ZC3H12B: variants seen among roughly 807,000 people sequenced by gnomAD.
ZC3H12B encodes the protein probable ribonuclease ZC3H12B.
In ZC3H12B, 7 loss-of-function variants were observed where a neutral mutation model predicts 43.9. The ratio of observed to expected loss-of-function variants is 0.16; its 90% CI spans 0.09 to 0.30. The LOEUF (loss-of-function observed/expected upper bound fraction) is 0.30, where lower values mean the gene tolerates loss of function less well. Among genes scored for constraint, ZC3H12B ranks in the 10% least tolerant of loss-of-function variants. The probability of loss-of-function intolerance (pLI) is 1.00; values close to 1 mark genes in which losing one functional copy is unlikely to be tolerated. For missense variants in ZC3H12B, 475 were observed against 670.2 expected, an observed-to-expected ratio of 0.71 and a Z score of 3.22; for synonymous variants, 222 against 241.7, an observed-to-expected ratio of 0.92 and a Z score of 0.76.
At chrX:65,100,394 A>T in the ZC3H12B span, among the ~76,000 whole-genome samples, 69 of 107,765 alleles carry the variant, frequency 6.4e-4, no homozygotes, top group African/African-American at 2.0e-3. Flanking sequence ...GACACCACTA[A>T]GATACTCCTC....
intron 2 of ZC3H12B, among the ~76,000 whole-genome samples, chrX:65,380,605 C>A (rs1201345677): frequency 3.6e-5 from 4 of 111,317 alleles, no homozygotes; most frequent in Non-Finnish European, 7.5e-5. Context: ...CCACACATAA[C>A]AATATTAACT....
chrX:65,242,617 A>G, the ZC3H12B span, among the ~76,000 whole-genome samples: 11 of 112,035 alleles, frequency 9.8e-5, no homozygotes. Context: ...ATTTTTTGCA[A>G]ATATTAAAAG....
chrX:65,124,036 A>G, the ZC3H12B span, among the ~76,000 whole-genome samples: 1 of 111,021 alleles, frequency 9.0e-6, no homozygotes, highest in Admixed American at 9.6e-5. Flanking sequence ...GTTGAATAGA[A>G]GTGGTTAAAG....
upstream of ZC3H12B, among the ~76,000 whole-genome samples, chrX:65,362,688 A>G (rs2066119890): frequency 9.0e-6 from 1 of 110,588 alleles, no homozygotes; most frequent in African/African-American, 3.3e-5. Flanking sequence ...GCTCAACACC[A>G]ATATCCCATC....
the ZC3H12B span, among the ~76,000 whole-genome samples, chrX:65,166,981 A>T: frequency 9.0e-6 from 1 of 111,629 alleles, no homozygotes; most frequent in Non-Finnish European, 1.9e-5. Flanking sequence ...ATTTTCTCCC[A>T]TTGTATAGGT....
the ZC3H12B span, among the ~76,000 whole-genome samples, chrX:65,348,570 A>G: frequency 9.0e-6 from 1 of 111,088 alleles, no homozygotes; most frequent in East Asian, 2.8e-4. Context: ...AGGCTGCCAA[A>G]TAGGATAAAG....
rs756558335 is a variant in ZC3H12B, at chrX:65,506,711, A to AT, written c.*3506dup. 2.7e-5 allele frequency: 3 copies of AT among 109,946 alleles called. No homozygotes were observed. The East Asian group carries it at 8.5e-4, about 31-fold the overall frequency. 9.1% of individuals were successfully genotyped at this position (109,946 alleles called of 1,213,427 possible). A position where few individuals can be genotyped will look rare whatever the true frequency, so the allele number is the denominator to read the frequency against. On this transcript the variant is annotated 3_prime_UTR_variant, in exon 5 of 5. Coordinates refer to ENST00000338957, the Ensembl canonical transcript of ZC3H12B. ...TCTGATTTTTTTTCTTCTTTTTGTG[A>AT]TTTTGTTGTTGTTTTCATTTTGATC...
the ZC3H12B span, among the ~76,000 whole-genome samples, chrX:65,107,361 T>G: frequency 9.0e-6 from 1 of 111,071 alleles, no homozygotes; most frequent in African/African-American, 3.3e-5. Context: ...CCTAGGTCAG[T>G]GTTAACAAAG....
chrX:65,218,370 A>T, the ZC3H12B span, among the ~76,000 whole-genome samples: 1 of 112,186 alleles, frequency 8.9e-6, no homozygotes, highest in Non-Finnish European at 1.9e-5. Flanking sequence ...CAGCCGAGGA[A>T]CTGTGAATCA....
intron 2 of ZC3H12B, among the ~76,000 whole-genome samples, chrX:65,387,539 C>A (rs1040429596): frequency 1.8e-5 from 2 of 111,947 alleles, no homozygotes; most frequent in African/African-American, 6.5e-5. Flanking sequence ...TGTGTCTGTG[C>A]ATGTGAGATG....
the ZC3H12B span, among the ~76,000 whole-genome samples, chrX:65,156,715 C>A: frequency 1.8e-5 from 2 of 110,569 alleles, no homozygotes; most frequent in Admixed American, 1.9e-4. Flanking sequence ...AGGATCTCTC[C>A]ATGTTGCCCA....
chrX:65,332,488 A>G, the ZC3H12B span, among the ~76,000 whole-genome samples: 1 of 111,930 alleles, frequency 8.9e-6, no homozygotes, highest in Non-Finnish European at 1.9e-5. Flanking sequence ...ATCCAAAGTA[A>G]ACTAAATAAG....
At chrX:65,156,449 C>T in the ZC3H12B span, among the ~76,000 whole-genome samples, 10 of 111,863 alleles carry the variant, frequency 8.9e-5, no homozygotes, top group South Asian at 3.7e-4. Flanking sequence ...GGCGCAATCT[C>T]GTCTCACTGC....
upstream of ZC3H12B, among the ~76,000 whole-genome samples, chrX:65,485,279 G>A (rs751610504): frequency 2.7e-5 from 3 of 112,072 alleles, 1 homozygote; most frequent in South Asian, 1.1e-3. Flanking sequence ...GTTGAGACAG[G>A]GTCTGGCTCT....
At chrX:65,393,318 C>T (rs2066652620) in intron 2 of ZC3H12B, among the ~76,000 whole-genome samples, 1 of 112,062 alleles carries the variant, frequency 8.9e-6, no homozygotes, top group Non-Finnish European at 1.9e-5. Flanking sequence ...TTCTGGGATA[C>T]ATGTGCTTAA....
intron 3 of ZC3H12B, among the ~76,000 whole-genome samples, chrX:65,451,055 C>T (rs1449786453): frequency 9.2e-6 from 1 of 108,275 alleles, no homozygotes; most frequent in Non-Finnish European, 1.9e-5. Context: ...TCAAGCGATT[C>T]TTCTGCCTCA....
chrX:65,215,601 C>G, the ZC3H12B span, among the ~76,000 whole-genome samples: 1 of 111,216 alleles, frequency 9.0e-6, no homozygotes, highest in Non-Finnish European at 1.9e-5. Context: ...GATCTTCAAT[C>G]CAGACCACTA....
chrX:65,085,164 A>G, the ZC3H12B span, among the ~76,000 whole-genome samples: 4 of 111,514 alleles, frequency 3.6e-5, no homozygotes, highest in Admixed American at 2.9e-4. Flanking sequence ...TACAAAAAAT[A>G]GTTAGAAAGA....
the ZC3H12B span, among the ~76,000 whole-genome samples, chrX:65,215,056 C>T: frequency 9.0e-6 from 1 of 111,360 alleles, no homozygotes; most frequent in South Asian, 3.8e-4. Flanking sequence ...CAAAAACGGG[C>T]TTAATATGTT....
Sources: allele counts gnomAD v4.1 joint callset (sites outside exome capture counted in the v4.1 genomes callset), GRCh38; gene constraint gnomAD v4.1.1; transcripts MANE v1.5; gene names NCBI Gene and HGNC (gene_info 2026-07-23, HGNC 2026-07-21).